Variants in KALRN observed in about 807,000 individuals in gnomAD.
KALRN encodes kalirin RhoGEF kinase.
A neutral mutation model predicts 353.7 loss-of-function variants in KALRN; 70 were observed. That is an observed-to-expected ratio of 0.20 (90% confidence interval 0.16 to 0.24). The LOEUF (loss-of-function observed/expected upper bound fraction) is 0.24. KALRN is among the 10% of genes least tolerant of loss of function. KALRN has a pLI of 1.00. For missense variants in KALRN, 2,791 were observed against 3,756.7 expected (o/e 0.74, Z 6.72); for synonymous variants, 1,391 against 1,434.8 (o/e 0.97, Z 0.69).
chr3:124,342,220 G>A (rs1452320106), intron 9 of KALRN, among the ~76,000 whole-genome samples: 2 of 151,078 alleles, frequency 1.3e-5, no homozygotes, highest in Non-Finnish European at 1.5e-5. Flanking sequence ...TGTTATATAC[G>A]TAGATTGCGT....
chr3:124,527,590 C>A (rs983774941), intron 33 of KALRN, among the ~76,000 whole-genome samples: 25 of 149,720 alleles, frequency 1.7e-4, no homozygotes, highest in African/African-American at 5.7e-4. Flanking sequence ...GGCGACAGAG[C>A]AAGACTGTTT....
chr3:124,205,844 C>T lies in KALRN; in HGVS notation c.74-22146C>T, dbSNP rs765563676. ...GAGAAGAATGGAGGACCTGTCAAAT[C>T]CCTGGCAGCTGGTATCTAAATTCTT... On this transcript the variant is annotated intron_variant, in intron 1 of 59. Coordinates refer to ENST00000682506, the MANE Select transcript of KALRN (RefSeq NM_001388419.1). 7.9e-4 allele frequency among the ~76,000 whole-genome samples: 121 copies of T among 152,256 alleles called. 2 individuals are homozygous for T. The highest frequency in any genetic ancestry group is 6.8e-3 in the Middle Eastern group (2 of 294).
In KALRN at chr3:124,661,910, A is replaced by G. The variant is rs992340114; in HGVS notation, c.6327A>G (p.Gly2109=). Residue 2109 remains glycine, a synonymous_variant, in exon 45 of 60, where the codon GGA becomes GGG. Coordinates refer to ENST00000682506, the MANE Select transcript of KALRN (RefSeq NM_001388419.1). ...PKRCNDMMNL[G]RLQGFEGTLT... ...GCTGCAATGACATGATGAATCTAGG[A>G]CGTCTGCAGGGCTTTGAGGTGAGTC... 8.1e-6 allele frequency: 13 copies of G among 1,614,024 alleles called. No individual in the cohort carries two copies. The highest frequency in any genetic ancestry group is 1.0e-5 in the Non-Finnish European group (12 of 1,179,930).
At chr3:124,245,037 T>C (rs2080955552) in intron 3 of KALRN, among the ~76,000 whole-genome samples, 1 of 93,796 alleles carries the variant, frequency 1.1e-5, no homozygotes, top group South Asian at 3.7e-4. Context: ...AAATATATTA[T>C]AAATTATTGT....
intron 51 of KALRN, among the ~76,000 whole-genome samples, chr3:124,685,038 C>T (rs889725397): frequency 6.6e-6 from 1 of 152,188 alleles, no homozygotes; most frequent in Non-Finnish European, 1.5e-5. Flanking sequence ...TTTACACCCC[C>T]AGCCAGGTGA....
intron 5 of KALRN, among the ~76,000 whole-genome samples, chr3:124,287,789 AT>A (rs66580306): frequency 7.7e-5 from 1 of 13,058 alleles, no homozygotes; most frequent in African/African-American, 1.9e-4. Context: ...ATATATATAT[AT>A]ATATATATAT....
chr3:124,483,731 T>C lies in KALRN; in HGVS notation c.4284+831T>C, dbSNP rs578000793. ...ATATTAAAACACAAGGGTATTCTTATATCTGTAGGTTCTCGCATGTTAGGG... is the reference window on the plus strand; with the variant it reads ...ATATTAAAACACAAGGGTATTCTTACATCTGTAGGTTCTCGCATGTTAGGG... On this transcript the variant is annotated intron_variant, in intron 28 of 59. Coordinates refer to ENST00000682506, the MANE Select transcript of KALRN (RefSeq NM_001388419.1). Among the ~76,000 whole-genome samples, 8 of 152,330 alleles carry C rather than the reference T, an allele frequency of 5.3e-5. No homozygotes were observed. The South Asian group carries it at 1.7e-3, about 32-fold the overall frequency.
intron 54 of KALRN, among the ~76,000 whole-genome samples, chr3:124,696,881 A>G (rs1303174950): frequency 1.3e-5 from 2 of 152,108 alleles, no homozygotes; most frequent in African/African-American, 4.8e-5. Flanking sequence ...CTTCTTGGCC[A>G]CCACTGCTCT....
chr3:124,642,208 C>T lies in KALRN; in HGVS notation c.5664+4905C>T, dbSNP rs184484309. Among the ~76,000 whole-genome samples the T allele has an allele frequency of 1.9e-3, 288 of 152,094 alleles. 1 individual carries two copies. Among genetic ancestry groups the T allele is most frequent in the African/African-American group, 6.5e-3 (268 of 41,484 alleles). On this transcript the variant is annotated intron_variant, in intron 37 of 59. Transcript: ENST00000682506. ...CTGAGGCATAAGAATCGCTTGAACT[C>T]GGGAGGCAGAGGTTGCAGTGAGCCG...
intron 1 of KALRN, among the ~76,000 whole-genome samples, chr3:124,071,154 C>T (rs1249754283): frequency 1.3e-5 from 2 of 152,094 alleles, no homozygotes; most frequent in African/African-American, 4.8e-5. Flanking sequence ...GTGTACATGC[C>T]TGTGTAGGTG....
At chr3:124,355,341 G>A (rs986329847) in intron 10 of KALRN, among the ~76,000 whole-genome samples, 2 of 152,038 alleles carry the variant, frequency 1.3e-5, no homozygotes, top group East Asian at 3.8e-4. Context: ...GGAAAATTGC[G>A]CCTAATTCTG....
intron 33 of KALRN, among the ~76,000 whole-genome samples, chr3:124,498,235 T>C (rs185010159): frequency 1.3e-5 from 2 of 152,342 alleles, no homozygotes; most frequent in East Asian, 1.9e-4. Context: ...ACAGAAACAG[T>C]GCTCACATAT....
intron 10 of KALRN, among the ~76,000 whole-genome samples, chr3:124,363,999 A>G (rs2084353048): frequency 6.6e-6 from 1 of 152,224 alleles, no homozygotes; most frequent in South Asian, 2.1e-4. Context: ...ACCTCTCAAC[A>G]GCAAGCAGTG....
At chr3:124,684,927 T>TACTCCCCGCACCCC (rs2061491696) in intron 51 of KALRN, among the ~76,000 whole-genome samples, 1 of 152,000 alleles carries the variant, frequency 6.6e-6, no homozygotes, top group Non-Finnish European at 1.5e-5. Flanking sequence ...AGAGCCAGCC[T>TACTCCCCGCACCCC]ACTCCCCGCA....
intron 27 of KALRN, 61 bp from the exon 28 acceptor site, chr3:124,482,745 CAG>C: frequency 9.2e-7 from 1 of 1,089,880 alleles, no homozygotes. Context: ...TTTCTCCTCT[CAG>C]AGTTCACACA....
chr3:124,395,304 G>T lies in KALRN; in HGVS notation c.2132G>T (p.Arg711Met). The part of the protein sequence containing the change: ...KEGEDLIQQL[R>M]SAPPSLGEPS... Reference sequence around the variant, plus strand: ...GGCGAAGACCTTATCCAGCAGCTCAGGTCAGCGCCTCCCTCCCTCGGGGAG... The same window carrying T: ...GGCGAAGACCTTATCCAGCAGCTCATGTCAGCGCCTCCCTCCCTCGGGGAG... The change falls in exon 12 of 60, where the codon AGG becomes ATG. Residue 711 changes from arginine to methionine, a missense_variant. By Grantham distance (91) the Arg-to-Met change is moderately conservative. This residue lies in a region of KALRN where 452 missense variants were observed against 575.8 expected (regional missense o/e 0.78). Coordinates refer to ENST00000682506, the MANE Select transcript of KALRN (RefSeq NM_001388419.1). 6.2e-7 allele frequency: 1 copy of T among 1,613,642 alleles called. No homozygotes were observed. The highest frequency in any genetic ancestry group is 8.5e-7 in the Non-Finnish European group (1 of 1,179,910).
chr3:124,663,503 T>C (rs2085158933), intron 45 of KALRN, among the ~76,000 whole-genome samples: 2 of 152,220 alleles, frequency 1.3e-5, no homozygotes, highest in South Asian at 4.1e-4. Context: ...AATAACTGAC[T>C]GTTATTAACG....
At chr3:124,403,819 C>T (rs903327589) in intron 13 of KALRN, among the ~76,000 whole-genome samples, 3 of 152,188 alleles carry the variant, frequency 2.0e-5, no homozygotes, top group Non-Finnish European at 4.4e-5. Context: ...GAGGACATAA[C>T]AGGGAGACAC....
At chr3:124,176,946 A>G (rs1404896978) in intron 1 of KALRN, among the ~76,000 whole-genome samples, 1 of 152,212 alleles carries the variant, frequency 6.6e-6, no homozygotes, top group Non-Finnish European at 1.5e-5. Context: ...AGGAGACAGC[A>G]GATTGATTTC....
Sources: allele counts gnomAD v4.1 joint callset (sites outside exome capture counted in the v4.1 genomes callset), GRCh38; gene constraint gnomAD v4.1.1; regional missense constraint gnomAD v4.1.1; transcripts MANE v1.5; gene names NCBI Gene and HGNC (gene_info 2026-07-23, HGNC 2026-07-21).